CHLSN: variants seen among roughly 807,000 people sequenced by gnomAD.
CHLSN encodes protein cholesin.
chr7:1,132,694 T>TAAAG, the CHLSN span, among the ~76,000 whole-genome samples: 30 of 107,002 alleles, frequency 2.8e-4, no homozygotes, highest in African/African-American at 9.4e-4. Flanking sequence ...AACCTGTCTT[T>TAAAG]AAAAAAAAAA....
the CHLSN span, among the ~76,000 whole-genome samples, chr7:1,070,633 G>A: frequency 0.025 from 3,445 of 136,948 alleles, 46 homozygotes; most frequent in Middle Eastern, 0.033. Flanking sequence ...CACACAACAC[G>A]CACACGGACA....
chr7:1,006,581 C>T, the CHLSN span, among the ~76,000 whole-genome samples: 3 of 132,516 alleles, frequency 2.3e-5, no homozygotes, highest in South Asian at 4.9e-4. Flanking sequence ...ACGGCCACAG[C>T]GCAGGGAAAG....
chr7:1,009,234 CAG>C, the CHLSN span, among the ~76,000 whole-genome samples: 1 of 152,186 alleles, frequency 6.6e-6, no homozygotes, highest in East Asian at 1.9e-4. Context: ...CCCTGCCCCT[CAG>C]GGTGACTTCA....
the CHLSN span, among the ~76,000 whole-genome samples, chr7:1,017,626 A>T: frequency 4.6e-5 from 7 of 151,412 alleles, no homozygotes; most frequent in Admixed American, 2.0e-4. Flanking sequence ...TTCTGGGGAA[A>T]CAAGACACGG....
At chr7:1,078,195 G>A in the CHLSN span, among the ~76,000 whole-genome samples, 2 of 152,198 alleles carry the variant, frequency 1.3e-5, no homozygotes, top group African/African-American at 4.8e-5. Flanking sequence ...TGCCAGATAT[G>A]CAGCTATGGT....
chr7:1,100,378 C>G, the CHLSN span, among the ~76,000 whole-genome samples: 2 of 152,238 alleles, frequency 1.3e-5, no homozygotes, highest in Non-Finnish European at 2.9e-5. Context: ...AGAGTGGACA[C>G]CAGAGGCAGG....
the CHLSN span, chr7:997,680 G>T: frequency 1.2e-6 from 2 of 1,610,334 alleles, no homozygotes; most frequent in East Asian, 2.2e-5. Flanking sequence ...CGGCAGGGGG[G>T]GATCAGAGCC....
chr7:1,115,797 C>T, the CHLSN span, among the ~76,000 whole-genome samples: 10 of 124,388 alleles, frequency 8.0e-5, 1 homozygote, highest in Non-Finnish European at 1.8e-4. Context: ...CACCAACGCC[C>T]ACGCAGGATG....
the CHLSN span, chr7:1,092,439 T>C: frequency 0.04 from 64,744 of 1,608,222 alleles, 4,208 homozygotes; most frequent in African/African-American, 0.3. Context: ...ACTCCCTCAT[T>C]GTCCGGGTGC....
chr7:1,022,137 C>T, the CHLSN span, among the ~76,000 whole-genome samples: 2 of 152,338 alleles, frequency 1.3e-5, no homozygotes, highest in African/African-American at 2.4e-5. Context: ...CCAGGAGCCC[C>T]GCTGCACTGT....
At chr7:998,227 C>T in the CHLSN span, among the ~76,000 whole-genome samples, 1 of 152,192 alleles carries the variant, frequency 6.6e-6, no homozygotes, top group African/African-American at 2.4e-5. Context: ...TGGCCTGACC[C>T]TTGTCTGCTG....
At chr7:1,070,613 T>C in the CHLSN span, among the ~76,000 whole-genome samples, 3,060 of 122,804 alleles carry the variant, frequency 0.025, 110 homozygotes, top group African/African-American at 0.089. Flanking sequence ...CACACATGCA[T>C]GCACACACGC....
the CHLSN span, among the ~76,000 whole-genome samples, chr7:1,016,346 C>T: frequency 1.2e-5 from 1 of 82,098 alleles, no homozygotes; most frequent in Admixed American, 1.3e-4. Flanking sequence ...CACACAGCAG[C>T]GCACGCCAGC....
At chr7:988,002 G>GGGGGGTCCCCTCTGTCCT in the CHLSN span, among the ~76,000 whole-genome samples, 1 of 97,896 alleles carries the variant, frequency 1.0e-5, no homozygotes, top group African/African-American at 3.7e-5. Flanking sequence ...TGTGTGTCCT[G>GGGGGGTCCCCTCTGTCCT]GGGGGTCCCC....
the CHLSN span, chr7:1,023,031 T>C: frequency 1.1e-5 from 5 of 456,944 alleles, no homozygotes; most frequent in South Asian, 7.7e-5. This position sits in a 1 kb window ranked among gnomAD's most constrained non-coding sequence, Gnocchi z 5.0. Context: ...GCCCCGCCCC[T>C]GCGGAGCACA....
At chr7:1,071,477 C>T in the CHLSN span, among the ~76,000 whole-genome samples, 1 of 152,214 alleles carries the variant, frequency 6.6e-6, no homozygotes, top group South Asian at 2.1e-4. Flanking sequence ...AGCTGGGGGG[C>T]TCCCACTGGC....
At chr7:1,010,261 A>G in the CHLSN span, 1 of 920,552 alleles carries the variant, frequency 1.1e-6, no homozygotes, top group South Asian at 1.8e-5. Context: ...TCTGTCCCCA[A>G]GCACTGGGTC....
chr7:1,042,011 A>G, the CHLSN span, among the ~76,000 whole-genome samples: 1 of 152,192 alleles, frequency 6.6e-6, no homozygotes, highest in Non-Finnish European at 1.5e-5. Flanking sequence ...CGGCTGCATC[A>G]CAGCAGCCTC....
At chr7:1,058,616 G>A in the CHLSN span, 1 of 630,380 alleles carries the variant, frequency 1.6e-6, no homozygotes, top group Non-Finnish European at 2.9e-6. Flanking sequence ...ACGAGCTGCT[G>A]GAAGAGAAGC....
Sources: allele counts gnomAD v4.1 joint callset (sites outside exome capture counted in the v4.1 genomes callset), GRCh38; gene constraint gnomAD v4.1.1; non-coding constraint Gnocchi (gnomAD v3.1); transcripts MANE v1.5; gene names NCBI Gene and HGNC (gene_info 2026-07-23, HGNC 2026-07-21).